ZP1: variants seen among roughly 807,000 people sequenced by gnomAD.
The protein encoded by ZP1 is zona pellucida sperm-binding protein 1.
In ZP1, 58 loss-of-function variants were observed where a neutral mutation model predicts 67.4. The ratio of observed to expected loss-of-function variants is 0.86; its 90% confidence interval spans 0.70 to 1.07. The LOEUF is 1.07. Among genes scored for constraint, ZP1 ranks in the 50% least tolerant of loss-of-function variants. The probability of loss-of-function intolerance (pLI) is 0.00; values close to 1 mark genes in which losing one functional copy is unlikely to be tolerated. For synonymous variants in ZP1, 333 were observed against 332.7 expected (o/e 1.00, Z -0.01); for missense variants, 759 against 807.3 (o/e 0.94, Z 0.72).
intron 9 of ZP1, 61 bp from the exon 10 acceptor site, chr11:60,874,872 T>A: frequency 6.4e-7 from 1 of 1,551,980 alleles, no homozygotes; most frequent in South Asian, 1.1e-5. Flanking sequence ...TGTCCTTCCC[T>A]TTGTGCTTCC....
Position 60,873,450 on chromosome 11 carries a change from A to C in ZP1, c.1316A>C (p.Glu439Ala), listed in dbSNP as rs765549648. The C allele has an allele frequency of 6.2e-7, 1 of 1,613,356 alleles. No individual in the cohort carries two copies. The highest frequency in any genetic ancestry group is 8.5e-7 in the Non-Finnish European group (1 of 1,179,574). The change falls in exon 8 of 12, where the codon GAG (glutamate) becomes GCG (alanine). Residue 439 changes from glutamate to alanine, a missense_variant. By Grantham distance (107) the Glu-to-Ala change is moderately radical. Coordinates refer to ENST00000278853, the MANE Select transcript of ZP1 (RefSeq NM_207341.4). Reference sequence around the variant, plus strand: ...CTGCTCCGAGAACCAGTCCATGTGGAGGTCCGGCTTCTGCAGAGGACAGAC... The same window carrying C: ...CTGCTCCGAGAACCAGTCCATGTGGCGGTCCGGCTTCTGCAGAGGACAGAC... The part of the protein sequence containing the change: ...VRLLREPVHV[E>A]VRLLQRTDPN...
At chr11:60,872,766 G>A (rs771979678) in intron 6 of ZP1, among the ~76,000 whole-genome samples, 2 of 152,174 alleles carry the variant, frequency 1.3e-5, no homozygotes, top group East Asian at 1.9e-4. Flanking sequence ...CAGGTCTGTC[G>A]GGAGGCAGAG....
chr11:60,874,988 C>G lies in ZP1; in HGVS notation c.1628C>G (p.Ser543Cys). 3.1e-6 allele frequency: 5 copies of G among 1,614,260 alleles called. No individual in the cohort carries two copies. The highest frequency in any genetic ancestry group is 4.2e-6 in the Non-Finnish European group (5 of 1,180,044). ...ACHTSGLETC[S>C]TACSTGTTRQ... ...CACACCTCAGGGCTGGAGACTTGCT[C>G]CACTGCATGTAGCACTGGCACTACA... The change falls in exon 10 of 12, where the codon TCC (serine) becomes TGC (cysteine). Residue 543 changes from serine (S) to cysteine (C), a missense_variant. Ser to Cys is a moderately radical substitution (Grantham distance 112). Coordinates refer to ENST00000278853, the MANE Select transcript of ZP1 (RefSeq NM_207341.4).
At chr11:60,870,902 GTC>G in intron 4 of ZP1, 53 bp from the exon 5 acceptor site, 1 of 1,551,850 alleles carries the variant, frequency 6.4e-7, no homozygotes, top group Non-Finnish European at 8.7e-7. Flanking sequence ...CAGCCATCCC[GTC>G]TCTGTGCTGG....
intron 2 of ZP1, 72 bp from the exon 3 acceptor site, chr11:60,869,465 G>T: frequency 6.5e-7 from 1 of 1,538,240 alleles, no homozygotes; most frequent in Non-Finnish European, 8.8e-7. Flanking sequence ...CTCAGCTCTC[G>T]TGGGCCCGTC....
chr11:60,871,303 CA>C lies in ZP1; in HGVS notation c.1102del (p.Ser368AlafsTer32), dbSNP rs1855564545. On this transcript the variant is annotated frameshift_variant, in exon 6 of 12. Coordinates refer to ENST00000278853, the MANE Select transcript of ZP1 (RefSeq NM_207341.4). LOFTEE classifies it high-confidence loss of function. ...GGCCACAGGGTTCCATCACGCGGGA[CA>C]GCACCTTCCAGTAAGGGCAGCCCTC... ...KGPQGSITRD[S>X]TFQLHVRCVF... 6.2e-7 allele frequency: 1 copy of C among 1,613,720 alleles called. No homozygotes were observed. The highest frequency in any genetic ancestry group is 2.2e-5 in the East Asian group (1 of 44,884).
At chr11:60,873,043 C>A in intron 6 of ZP1, 119 bp from the exon 7 acceptor site, 2 of 1,170,142 alleles carry the variant, frequency 1.7e-6, no homozygotes, top group Non-Finnish European at 2.4e-6. Context: ...TAGCATCCAT[C>A]TGCCCTGCTG....
Position 60,873,736 on chromosome 11 carries a change from C to T in ZP1, c.1533C>T (p.Ala511=), listed in dbSNP as rs1371252871. 2 of 1,614,022 alleles carry T rather than the reference C, an allele frequency of 1.2e-6. No individual in the cohort carries two copies. The highest frequency in any genetic ancestry group is 1.7e-6 in the Non-Finnish European group (2 of 1,180,042). The change falls in exon 9 of 12, where the codon GCC becomes GCT. Residue 511 remains alanine (A), a synonymous_variant. Transcript: ENST00000278853. The part of the protein sequence containing the change: ...HYQRFTVATF[A]LLDSGSQRAL... ...AGCGATTCACTGTTGCTACCTTCGC[C>T]CTCCTGGACTCAGGCTCCCAGAGAG...
Position 60,871,266 on chromosome 11 carries a change from A to C in ZP1, c.1064A>C (p.His355Pro), listed in dbSNP as rs1194940852. The change falls in exon 6 of 12, where the codon CAC becomes CCC. Residue 355 changes from histidine (H) to proline (P), a missense_variant. His to Pro is a moderately conservative substitution (Grantham distance 77). Coordinates refer to ENST00000278853, the MANE Select transcript of ZP1 (RefSeq NM_207341.4). The part of the protein sequence containing the change: ...IYENWLVSGI[H>P]IQKGPQGSIT... The stretch of plus-strand genomic sequence containing the variant: ...GAGAACTGGCTGGTGTCTGGCATCC[A>C]CATCCAAAAGGGGCCACAGGGTTCC... 6.2e-7 allele frequency: 1 copy of C among 1,613,956 alleles called. No individual in the cohort carries two copies. The highest frequency in any genetic ancestry group is 1.7e-5 in the Admixed American group (1 of 60,030).
Position 60,873,786 on chromosome 11 carries a change from C to T in ZP1, c.1572+11C>T. The T allele has an allele frequency of 6.2e-7, 1 of 1,613,108 alleles. No individual in the cohort carries two copies. Among genetic ancestry groups the T allele is most frequent in the Non-Finnish European group, 8.5e-7 (1 of 1,180,012 alleles). ...GCCCTCAGAGGACTGGTAAGAAGCCCCGGCTGCCGCATGCCTGGTCCCATC... is the reference window on the plus strand; with the variant it reads ...GCCCTCAGAGGACTGGTAAGAAGCCTCGGCTGCCGCATGCCTGGTCCCATC... On this transcript the variant is annotated intron_variant, in intron 9 of 11. Coordinates refer to ENST00000278853, the MANE Select transcript of ZP1 (RefSeq NM_207341.4).
intron 1 of ZP1, among the ~76,000 whole-genome samples, chr11:60,868,301 C>G (rs1245465202): frequency 6.6e-6 from 1 of 152,194 alleles, no homozygotes; most frequent in Non-Finnish European, 1.5e-5. Flanking sequence ...CCTGCCTCAG[C>G]CTCCCAAAGT....
rs369577924 is a variant in ZP1, at chr11:60,873,367, C to T, written c.1241-8C>T. On this transcript the variant is annotated splice_region_variant and splice_polypyrimidine_tract_variant and intron_variant, in intron 7 of 11. Transcript: ENST00000278853. Reference sequence around the variant, plus strand: ...CCCGCCCTGGCTCATGAGTCACTCTCCCTGCAGACGAGACCTTCAGCTCGT... The same window carrying T: ...CCCGCCCTGGCTCATGAGTCACTCTTCCTGCAGACGAGACCTTCAGCTCGT... 3.6e-5 allele frequency: 58 copies of T among 1,598,014 alleles called. No individual in the cohort carries two copies. The African/African-American group carries it at 7.8e-4, about 21-fold the overall frequency.
intron 2 of ZP1, 93 bp downstream of exon 2, chr11:60,869,359 G>A (rs993731211): frequency 6.4e-7 from 1 of 1,560,116 alleles, no homozygotes; most frequent in African/African-American, 1.4e-5. Context: ...AGGAGCCAAA[G>A]CCGAAGATCT....
In ZP1 at chr11:60,873,478, CA is replaced by C. The variant is rs1415723107; in HGVS notation, c.1346del (p.Asn449ThrfsTer42). 6.2e-7 allele frequency: 1 copy of C among 1,613,746 alleles called. No homozygotes were observed. Among genetic ancestry groups the C allele is most frequent in the African/African-American group, 1.3e-5 (1 of 75,018 alleles). On this transcript the variant is annotated frameshift_variant, in exon 8 of 12. Transcript: ENST00000278853. LOFTEE classifies it high-confidence loss of function. The stretch of plus-strand genomic sequence containing the variant: ...TCCGGCTTCTGCAGAGGACAGACCC[CA>C]ACCTGGTCCTGCTGCTGCACCAGTG... Reference protein sequence around the residue: ...EVRLLQRTDPNLVLLLHQCWG... With the variant: ...EVRLLQRTDPXLVLLLHQCWG...
rs140504911 is a variant in ZP1 at position 60,875,067 on chromosome 11, G to A, written c.1654+53G>A. 1,420 of 1,613,678 alleles carry A rather than the reference G, an allele frequency of 8.8e-4. 10 individuals are homozygous for A. In the South Asian group the frequency reaches 0.011, roughly 13 times the overall value. ...TTCCTTTATACATCTTCAGGCCTGTGCCTGGCCTCTGGGCCACAGGGGCAG... is the reference window on the plus strand; with the variant it reads ...TTCCTTTATACATCTTCAGGCCTGTACCTGGCCTCTGGGCCACAGGGGCAG... On this transcript the variant is annotated intron_variant, in intron 10 of 11. Coordinates refer to ENST00000278853, the MANE Select transcript of ZP1 (RefSeq NM_207341.4).
intron 3 of ZP1, 147 bp downstream of exon 3, chr11:60,870,047 A>T: frequency 9.2e-7 from 1 of 1,082,824 alleles, no homozygotes; most frequent in Admixed American, 3.4e-5. Context: ...ATTCCTTTGT[A>T]GTATTTGGAA....
intron 6 of ZP1, among the ~76,000 whole-genome samples, chr11:60,872,543 A>T (rs1855593443): frequency 6.6e-6 from 1 of 152,194 alleles, no homozygotes; most frequent in Non-Finnish European, 1.5e-5. Context: ...GCTAGTGAGG[A>T]AGATGCTAGA....
chr11:60,868,433 G>A (rs1384353436), intron 1 of ZP1, among the ~76,000 whole-genome samples: 1 of 152,220 alleles, frequency 6.6e-6, no homozygotes, highest in Non-Finnish European at 1.5e-5. Flanking sequence ...AGTAGGCGTG[G>A]CCTGGTGTGG....
In ZP1 at chr11:60,873,362, ACT is replaced by A; in HGVS notation, c.1241-9_1241-8del. On this transcript the variant is annotated splice_polypyrimidine_tract_variant and intron_variant, in intron 7 of 11. Transcript: ENST00000278853. ...CACAGCCCGCCCTGGCTCATGAGTC[ACT>A]CTCCCTGCAGACGAGACCTTCAGCT... is the stretch of plus-strand genomic sequence containing the variant. 6.3e-6 allele frequency: 10 copies of A among 1,595,576 alleles called. No individual in the cohort carries two copies. Among genetic ancestry groups the A allele is most frequent in the Non-Finnish European group, 8.6e-6 (10 of 1,165,482 alleles).
Sources: allele counts gnomAD v4.1 joint callset (sites outside exome capture counted in the v4.1 genomes callset), GRCh38; gene constraint gnomAD v4.1.1; transcripts MANE v1.5; gene names NCBI Gene and HGNC (gene_info 2026-07-23, HGNC 2026-07-21).